Variants in PDZRN3 observed in about 807,000 individuals in gnomAD.
PDZRN3 encodes the protein PDZ domain containing ring finger 3.
PDZRN3 carries 38 observed loss-of-function variants against 85.7 expected under a neutral mutation model. That is an observed-to-expected ratio of 0.44 (90% CI 0.34 to 0.58). The LOEUF is 0.58. Ranked by LOEUF, PDZRN3 falls within the 20% of genes least tolerant of loss-of-function variation. PDZRN3 has a pLI of 0.01. For synonymous variants in PDZRN3, 759 were observed against 638.0 expected (o/e 1.19, Z -2.86); for missense variants, 1,629 against 1,506.4 (o/e 1.08, Z -1.35).
chr3:73,398,449 T>TATTAAC (rs1199997808), intron 5 of PDZRN3, among the ~76,000 whole-genome samples: 2 of 152,198 alleles, frequency 1.3e-5, no homozygotes, highest in Non-Finnish European at 2.9e-5. Flanking sequence ...GGAACCTTGT[T>TATTAAC]AAAGTGCAGA....
At chr3:73,407,099 G>C (rs540441632) in intron 3 of PDZRN3, among the ~76,000 whole-genome samples, 2 of 152,164 alleles carry the variant, frequency 1.3e-5, no homozygotes, top group African/African-American at 4.8e-5. Context: ...CTTTTGCCTC[G>C]TGATGGATTT....
intron 3 of PDZRN3, among the ~76,000 whole-genome samples, chr3:73,547,155 G>A (rs1304906342): frequency 6.6e-6 from 1 of 152,124 alleles, no homozygotes; most frequent in Non-Finnish European, 1.5e-5. Flanking sequence ...CATCATCCTA[G>A]GATAGAGGAG....
At position 73,384,425 on chromosome 3, in the gene PDZRN3, T is replaced by C; in HGVS notation, c.2141A>G (p.Gln714Arg). The C allele has an allele frequency of 1.2e-6, 2 of 1,610,782 alleles. No individual in the cohort carries two copies. Among genetic ancestry groups the C allele is most frequent in the Non-Finnish European group, 1.7e-6 (2 of 1,179,638 alleles). ...RAHKMQQLKE[Q>R]YRESWMLHNS... ...GTGCAGCATCCAGGACTCGCGGTAC[T>C]GCTCCTTGAGCTGCTGCATCTTGTG... is the stretch of plus-strand genomic sequence containing the variant. The change falls in exon 10 of 10, where the codon CAG becomes CGG. Residue 714 changes from glutamine (Q) to arginine (R), a missense_variant. Physicochemically the swap from Gln to Arg is conservative, Grantham distance 43. Transcript: ENST00000263666.
intron 3 of PDZRN3, among the ~76,000 whole-genome samples, chr3:73,455,801 T>C (rs1164286718): frequency 6.6e-5 from 10 of 152,234 alleles, no homozygotes; most frequent in Admixed American, 6.5e-4. Context: ...AAAGGTACAC[T>C]TTCTTCGCTA....
intron 3 of PDZRN3, among the ~76,000 whole-genome samples, chr3:73,488,581 CT>C (rs1703709215): frequency 6.6e-6 from 1 of 152,178 alleles, no homozygotes; most frequent in African/African-American, 2.4e-5. Context: ...CTCTACAAGT[CT>C]CTCACCTTCT....
intron 1 of PDZRN3, among the ~76,000 whole-genome samples, chr3:73,622,480 G>A (rs376359238): frequency 7.2e-5 from 11 of 152,330 alleles, no homozygotes; most frequent in Admixed American, 2.0e-4. Context: ...GAAGGCAGAA[G>A]TACCCAGCTG....
chr3:73,414,840 AT>A (rs1702043984), intron 3 of PDZRN3, among the ~76,000 whole-genome samples: 2 of 152,228 alleles, frequency 1.3e-5, no homozygotes, highest in African/African-American at 4.8e-5. Flanking sequence ...ATAATTCTAC[AT>A]CAGCGATAAA....
At chr3:73,508,952 G>C (rs1274504904) in intron 3 of PDZRN3, among the ~76,000 whole-genome samples, 1 of 152,124 alleles carries the variant, frequency 6.6e-6, no homozygotes, top group African/African-American at 2.4e-5. Context: ...GGTTTATCCA[G>C]ACAGGCCTAA....
intron 3 of PDZRN3, among the ~76,000 whole-genome samples, chr3:73,601,472 G>T (rs1355163261): frequency 1.3e-5 from 2 of 152,118 alleles, no homozygotes. Flanking sequence ...TTCTTGTGGG[G>T]TCTGGCATAT....
In PDZRN3 at chr3:73,424,993, TCACTCATC is replaced by T. The variant is rs369922641; in HGVS notation, c.919-20606_919-20599del. ...AAATGCCTTCTCTTCCCCAATCCTT[TCACTCATC>T]CACTCATCCATCAGTATTTTTTTTT... On this transcript the variant is annotated intron_variant, in intron 3 of 9. Coordinates refer to ENST00000263666, the MANE Select transcript of PDZRN3 (RefSeq NM_015009.3). 1.7e-3 allele frequency among the ~76,000 whole-genome samples: 256 copies of T among 151,638 alleles called. 2 individuals are homozygous for T. Among genetic ancestry groups the T allele is most frequent in the African/African-American group, 5.4e-3 (224 of 41,420 alleles).
Position 73,402,941 on chromosome 3 carries a change from C to CTTTTTTTTTTTTTTTTTTTTT in PDZRN3, c.1166+1206_1166+1207insAAAAAAAAAAAAAAAAAAAAA, listed in dbSNP as rs140037400. Among the ~76,000 whole-genome samples, 5 of 115,652 alleles carry CTTTTTTTTTTTTTTTTTTTTT rather than the reference C, an allele frequency of 4.3e-5. 1 individual carries two copies. Among genetic ancestry groups the CTTTTTTTTTTTTTTTTTTTTT allele is most frequent in the African/African-American group, 1.9e-4 (5 of 26,752 alleles). 75.9% of individuals were successfully genotyped at this position (115,652 alleles called of 152,430 possible). A position where few individuals can be genotyped will look rare whatever the true frequency, so the allele number is the denominator to read the frequency against. ...GATGTGCAAAGTCACACATGAAAAGCTTTTTTTTTTTTTTTTTTTTGAGAC... is the reference window on the plus strand; with the variant it reads ...GATGTGCAAAGTCACACATGAAAAGCTTTTTTTTTTTTTTTTTTTTTTTTTTTTTTTTTTTTTTTTTGAGAC... On this transcript the variant is annotated intron_variant, in intron 4 of 9. Coordinates refer to ENST00000263666, the MANE Select transcript of PDZRN3 (RefSeq NM_015009.3).
intron 3 of PDZRN3, among the ~76,000 whole-genome samples, chr3:73,409,580 A>G (rs1229359284): frequency 6.6e-6 from 1 of 152,184 alleles, no homozygotes; most frequent in Non-Finnish European, 1.5e-5. Flanking sequence ...CACTTAAGAA[A>G]TGGAAAGATG....
intron 3 of PDZRN3, among the ~76,000 whole-genome samples, chr3:73,489,590 T>TTTTTTTTTTTTTA (rs1703732763): frequency 2.1e-5 from 3 of 146,150 alleles, no homozygotes; most frequent in Non-Finnish European, 3.0e-5. Flanking sequence ...TTTTTTTTTT[T>TTTTTTTTTTTTTA]GAGATGGAGT....
In PDZRN3 at chr3:73,613,573, A is replaced by G. The variant is rs559984035; in HGVS notation, c.724-4889T>C. 2.0e-5 allele frequency among the ~76,000 whole-genome samples: 3 copies of G among 152,226 alleles called. No homozygotes were observed. In the South Asian group the frequency reaches 6.2e-4, roughly 32 times the overall value. On this transcript the variant is annotated intron_variant, in intron 1 of 9. Coordinates refer to ENST00000263666, the MANE Select transcript of PDZRN3 (RefSeq NM_015009.3). ...GGTCTCGATGGATTGGTACGAAAAG[A>G]AGGTGAAGAACAGAGGAAAAACAAC...
At chr3:73,606,608 C>T (rs879693163) in intron 2 of PDZRN3, among the ~76,000 whole-genome samples, 5 of 152,120 alleles carry the variant, frequency 3.3e-5, no homozygotes, top group Non-Finnish European at 5.9e-5. Context: ...TTCCACAGAG[C>T]GAATGCAAGA....
rs1255368122 is a variant in PDZRN3, at chr3:73,384,041, G to A, written c.2525C>T (p.Ala842Val). 2.5e-6 allele frequency: 4 copies of A among 1,599,240 alleles called. No individual in the cohort carries two copies. Among genetic ancestry groups the A allele is most frequent in the Non-Finnish European group, 3.4e-6 (4 of 1,173,472 alleles). The change falls in exon 10 of 10, where the codon GCC (alanine) becomes GTC (valine). Residue 842 changes from alanine (A) to valine (V), a missense_variant. Coordinates refer to ENST00000263666, the MANE Select transcript of PDZRN3 (RefSeq NM_015009.3). ...CGTGGGGCTCCGGCTCCCGTCGCTGGCTCTCCGCTCTTTGCTTTCCAGGGG... is the reference window on the plus strand; with the variant it reads ...CGTGGGGCTCCGGCTCCCGTCGCTGACTCTCCGCTCTTTGCTTTCCAGGGG... Reference protein sequence around the residue: ...NQPLESKERRASDGSRSPTPS... With the variant: ...NQPLESKERRVSDGSRSPTPS...
chr3:73,468,436 C>T (rs764575230), intron 3 of PDZRN3, among the ~76,000 whole-genome samples: 1 of 151,612 alleles, frequency 6.6e-6, no homozygotes, highest in East Asian at 1.9e-4. Context: ...CAAATACAGT[C>T]GCTTACTCTT....
chr3:73,385,077 T>C, intron 9 of PDZRN3, 147 bp from the exon 10 acceptor site: 1 of 872,674 alleles, frequency 1.1e-6, no homozygotes, highest in Non-Finnish European at 1.7e-6. Context: ...ACCACGTCAA[T>C]AGCGTGGGCC....
Position 73,383,061 on chromosome 3 carries a change from G to GCTTAATAAAAGATCTTTCTGAAATTTA in PDZRN3, c.*277_*303dup, listed in dbSNP as rs1243976018. On this transcript the variant is annotated 3_prime_UTR_variant, in exon 10 of 10. Transcript: ENST00000263666. ...TAAACAAGTTATTCTGTGAAAGTATGCTTAATAAAAGATCTTTCTGAAATT... is the reference window on the plus strand; with the variant it reads ...TAAACAAGTTATTCTGTGAAAGTATGCTTAATAAAAGATCTTTCTGAAATTTACTTAATAAAAGATCTTTCTGAAATT... The GCTTAATAAAAGATCTTTCTGAAATTTA allele has an allele frequency of 1.1e-5, 3 of 264,410 alleles. No homozygotes were observed. The Admixed American group carries it at 1.4e-4, about 12-fold the overall frequency. The allele number at this position is 264,410 out of a possible 1,614,324, so 16.4% of individuals were successfully genotyped here.
Sources: allele counts gnomAD v4.1 joint callset (sites outside exome capture counted in the v4.1 genomes callset), GRCh38; gene constraint gnomAD v4.1.1; transcripts MANE v1.5; gene names NCBI Gene and HGNC (gene_info 2026-07-23, HGNC 2026-07-21).